Variants in ZFAND3 observed in about 807,000 individuals in gnomAD.
ZFAND3 encodes AN1-type zinc finger protein 3.
A neutral mutation model predicts 29.6 loss-of-function variants in ZFAND3; 10 were observed. That is an observed-to-expected ratio of 0.34 (90% CI 0.21 to 0.57). The LOEUF (loss-of-function observed/expected upper bound fraction) is 0.57, where lower values mean the gene tolerates loss of function less well. Among genes scored for constraint, ZFAND3 ranks in the 20% least tolerant of loss-of-function variants. The pLI is 0.86. For missense variants in ZFAND3, 230 were observed against 304.5 expected (o/e 0.76, Z 1.82); for synonymous variants, 128 against 112.6 (o/e 1.14, Z -0.87).
Position 38,152,230 on chromosome 6 carries a change from T to C in ZFAND3, c.530-5T>C, listed in dbSNP as rs761649101. The C allele has an allele frequency of 1.5e-5, 22 of 1,505,604 alleles. No individual in the cohort carries two copies. Among genetic ancestry groups the C allele is most frequent in the Non-Finnish European group, 1.8e-5 (20 of 1,123,878 alleles). 93.3% of individuals were successfully genotyped at this position (1,505,604 alleles called of 1,614,324 possible). On this transcript the variant is annotated splice_polypyrimidine_tract_variant and splice_region_variant and intron_variant, in intron 5 of 5. Transcript: ENST00000287218. The stretch of plus-strand genomic sequence containing the variant: ...CTCTTTCCTCTGCTTCTCCCGCTGC[T>C]GCAGGTTATGTGTTCTGTATGTTAC...
rs1215907079 is a variant in ZFAND3 at position 37,819,927 on chromosome 6, T to TCCGCCGCCGCCGCCGAGCTCCG, written c.-7_-6insCCGAGCTCCGCCGCCGCCGCCG. 1 of 1,210,228 alleles carries TCCGCCGCCGCCGCCGAGCTCCG rather than the reference T, an allele frequency of 8.3e-7. No individual in the cohort carries two copies. The highest frequency in any genetic ancestry group is 1.0e-6 in the Non-Finnish European group (1 of 975,772). 75.0% of individuals were successfully genotyped at this position (1,210,228 alleles called of 1,614,324 possible). A position where few individuals can be genotyped will look rare whatever the true frequency, so the allele number is the denominator to read the frequency against. On this transcript the variant is annotated 5_prime_UTR_variant, in exon 1 of 6. Coordinates refer to ENST00000287218, the MANE Select transcript of ZFAND3 (RefSeq NM_021943.3). ...GCCGCCACCGCTGCCGCCGCCGAGC[T>TCCGCCGCCGCCGCCGAGCTCCG]CCGCCGCCGCCGAGCACCATGGGAG...
At chr6:38,141,292 A>T (rs1765949412) in intron 5 of ZFAND3, among the ~76,000 whole-genome samples, 1 of 152,230 alleles carries the variant, frequency 6.6e-6, no homozygotes, top group Non-Finnish European at 1.5e-5. Context: ...CCAGCCTGAC[A>T]GTCTTGGGGA....
chr6:37,893,736 T>C (rs1228437173), intron 1 of ZFAND3, among the ~76,000 whole-genome samples: 1 of 152,104 alleles, frequency 6.6e-6, no homozygotes, highest in Non-Finnish European at 1.5e-5. Context: ...GTATTTTTAG[T>C]AGAGACGTGG....
At chr6:37,833,814 G>A (rs965105476) in intron 1 of ZFAND3, among the ~76,000 whole-genome samples, 4 of 115,416 alleles carry the variant, frequency 3.5e-5, no homozygotes, top group African/African-American at 1.6e-4. Context: ...GCGACAGAGT[G>A]ACACTGTCTC....
chr6:37,966,973 G>A (rs1167827595), intron 2 of ZFAND3, among the ~76,000 whole-genome samples: 1 of 152,004 alleles, frequency 6.6e-6, no homozygotes, highest in Admixed American at 6.5e-5. Context: ...ATGTACCTTT[G>A]CAGGAATATC....
chr6:37,836,208 A>G (rs746215331), intron 1 of ZFAND3, among the ~76,000 whole-genome samples: 5 of 152,054 alleles, frequency 3.3e-5, no homozygotes, highest in Non-Finnish European at 7.4e-5. Context: ...AAAACACATT[A>G]CTCATGCTTT....
intron 3 of ZFAND3, among the ~76,000 whole-genome samples, chr6:38,073,191 A>G (rs1445060421): frequency 6.6e-6 from 1 of 152,184 alleles, no homozygotes; most frequent in African/African-American, 2.4e-5. Context: ...GCCTGAATAG[A>G]TGTCTTTTTT....
chr6:37,948,505 T>C (rs536449627), intron 2 of ZFAND3, among the ~76,000 whole-genome samples: 124 of 152,346 alleles, frequency 8.1e-4, no homozygotes, highest in African/African-American at 2.8e-3. Context: ...ATGGGCACAT[T>C]TGTTACATGG....
chr6:37,866,036 C>G (rs553023694), intron 1 of ZFAND3, among the ~76,000 whole-genome samples: 1 of 152,022 alleles, frequency 6.6e-6, no homozygotes, highest in African/African-American at 2.4e-5. Flanking sequence ...TATATTGTCC[C>G]GGCTGGTCTC....
rs550750670 is a variant in ZFAND3, at chr6:37,893,746, G to A, written c.72-36213G>A. ...TTTTTGTATTTTTAGTAGAGACGTG[G>A]TTTTACCATGTTGGCCAGGCTGGTC... On this transcript the variant is annotated intron_variant, in intron 1 of 5. Transcript: ENST00000287218. 6.6e-5 allele frequency among the ~76,000 whole-genome samples: 10 copies of A among 152,116 alleles called. No homozygotes were observed. In the East Asian group the frequency reaches 1.7e-3, roughly 27 times the overall value.
intron 2 of ZFAND3, among the ~76,000 whole-genome samples, chr6:37,977,770 G>GTTTTTTTTTTTT (rs1213067308): frequency 9.2e-6 from 1 of 108,862 alleles, no homozygotes; most frequent in Non-Finnish European, 2.0e-5. Context: ...GGTTTGCTGA[G>GTTTTTTTTTTTT]TTTTTTGTTT....
intron 1 of ZFAND3, among the ~76,000 whole-genome samples, chr6:37,846,305 C>T (rs1764176128): frequency 1.3e-5 from 2 of 152,132 alleles, no homozygotes; most frequent in Admixed American, 6.5e-5. Context: ...CTAGCAAGTG[C>T]TATTAAAAAG....
chr6:38,149,478 A>G (rs1394930705), intron 5 of ZFAND3, among the ~76,000 whole-genome samples: 1 of 150,880 alleles, frequency 6.6e-6, no homozygotes, highest in Non-Finnish European at 1.5e-5. Context: ...GAACCTGGGC[A>G]GAGAAATAAG....
At chr6:38,106,367 C>T (rs963903521) in intron 4 of ZFAND3, among the ~76,000 whole-genome samples, 1 of 152,118 alleles carries the variant, frequency 6.6e-6, no homozygotes, top group African/African-American at 2.4e-5. Context: ...CCAGGCTGGT[C>T]TCAAACTCCC....
At chr6:37,921,040 G>A (rs1437986526) in intron 1 of ZFAND3, among the ~76,000 whole-genome samples, 1 of 152,090 alleles carries the variant, frequency 6.6e-6, no homozygotes, top group Non-Finnish European at 1.5e-5. Context: ...GAGTGTAGTA[G>A]GTATTGTGGT....
intron 1 of ZFAND3, among the ~76,000 whole-genome samples, chr6:37,883,055 C>CA (rs1205212167): frequency 1.3e-5 from 2 of 151,940 alleles, no homozygotes; most frequent in Non-Finnish European, 2.9e-5. Flanking sequence ...CCCTTCTCTA[C>CA]AAAAAAATTT....
chr6:37,875,020 T>G (rs937452528), intron 1 of ZFAND3, among the ~76,000 whole-genome samples: 1 of 151,998 alleles, frequency 6.6e-6, no homozygotes, highest in Non-Finnish European at 1.5e-5. Context: ...TGTAGATGTA[T>G]CTTTGAATGA....
At chr6:37,899,106 A>T (rs1765272019) in intron 1 of ZFAND3, among the ~76,000 whole-genome samples, 1 of 151,906 alleles carries the variant, frequency 6.6e-6, no homozygotes, top group Non-Finnish European at 1.5e-5. Flanking sequence ...TCACCGTGTT[A>T]GTCAGTGTGG....
chr6:38,094,020 A>G (rs988443973), intron 4 of ZFAND3, among the ~76,000 whole-genome samples: 2 of 152,172 alleles, frequency 1.3e-5, no homozygotes, highest in Non-Finnish European at 2.9e-5. Context: ...GGTTATTTCT[A>G]TCTAAGAGTG....
Sources: gnomAD v4.1 joint callset for allele counts (sites outside exome capture counted in the v4.1 genomes callset) on GRCh38, gnomAD v4.1.1 for gene constraint, MANE v1.5 for transcripts, NCBI Gene and HGNC (gene_info 2026-07-23, HGNC 2026-07-21) for gene names.